The following NCKAP1 variants were observed in gnomAD, a reference collection of about 807,000 sequenced individuals.
The protein encoded by NCKAP1 is NCK associated protein 1.
Under a neutral mutation model 151.2 loss-of-function variants are expected in NCKAP1, and 21 were observed. The observed-to-expected ratio is 0.14, with a 90% confidence interval of 0.10 to 0.20. The LOEUF is 0.20. NCKAP1 is among the 10% of genes least tolerant of loss of function. The pLI is 1.00. For missense variants in NCKAP1, 933 were observed against 1,352.1 expected (o/e 0.69, Z 4.86); for synonymous variants, 484 against 451.8 (o/e 1.07, Z -0.90).
intron 15 of NCKAP1, among the ~76,000 whole-genome samples, chr2:182,971,239 A>C (rs1455752156): frequency 6.6e-6 from 1 of 150,980 alleles, no homozygotes; most frequent in Admixed American, 6.6e-5. Context: ...CTAAAAATAC[A>C]AAAAATTAGC....
At chr2:182,943,094 C>G (rs1211124450) in intron 23 of NCKAP1, among the ~76,000 whole-genome samples, 1 of 152,076 alleles carries the variant, frequency 6.6e-6, no homozygotes, top group Non-Finnish European at 1.5e-5. Context: ...TCAGAATTTT[C>G]TTTACTTTTG....
chr2:182,967,851 A>T (rs72886587), intron 15 of NCKAP1, among the ~76,000 whole-genome samples: 1,572 of 152,284 alleles, frequency 0.01, 14 homozygotes, highest in Non-Finnish European at 0.018. Context: ...AGATAGTAAA[A>T]ATTGGTGTAG....
chr2:182,978,911 A>G lies in NCKAP1; in HGVS notation c.1346T>C (p.Leu449Pro). The change falls in exon 14 of 31, where the codon CTT (leucine) becomes CCT (proline). Residue 449 changes from leucine (L) to proline (P), a missense_variant. Physicochemically the swap from Leu to Pro is moderately conservative, Grantham distance 98. This residue lies in a region of NCKAP1 where 607 missense variants were observed against 795.0 expected (regional missense o/e 0.76). Coordinates refer to ENST00000361354, the MANE Select transcript of NCKAP1 (RefSeq NM_013436.5). ...AVVLNELVQN[L>P]SVCPEDESII... is the part of the protein sequence containing the mutation. ...TGATTCATCTTCAGGGCAAACAGAA[A>G]GATTCTGAAAAACAAACAAAAAGTA... 1 of 1,606,454 alleles carries G rather than the reference A, an allele frequency of 6.2e-7. No homozygotes were observed. Among genetic ancestry groups the G allele is most frequent in the African/African-American group, 1.3e-5 (1 of 74,906 alleles).
At chr2:183,032,884 C>A (rs554107687) in intron 1 of NCKAP1, among the ~76,000 whole-genome samples, 3 of 151,712 alleles carry the variant, frequency 2.0e-5, no homozygotes, top group South Asian at 2.1e-4. Context: ...CCAACTCTAT[C>A]AAAAAAAATA....
rs1237708399 is a variant in NCKAP1, at chr2:183,003,240, T to A, written c.305A>T (p.Glu102Val). 6.6e-7 allele frequency: 1 copy of A among 1,512,806 alleles called. No homozygotes were observed. The highest frequency in any genetic ancestry group is 1.2e-5 in the South Asian group (1 of 82,268). The allele number at this position is 1,512,806 out of a possible 1,614,324, so 93.7% of individuals were successfully genotyped here. Residue 102 changes from glutamate (E) to valine (V), a missense_variant, in exon 3 of 31, where the codon GAA becomes GTA. Glu to Val is a moderately radical substitution (Grantham distance 121). Around this residue, in one of 2 missense-constraint regions of NCKAP1, gnomAD observed 607 missense variants for 795.0 expected, o/e 0.76. Coordinates refer to ENST00000361354, the MANE Select transcript of NCKAP1 (RefSeq NM_013436.5). ...LYYFTFVDVM[E>V]FKDHVCELLN... ...ATATATTAAAATACATACCTTAAATTCCATAACATCTACAAATGTGAAGTA... is the reference window on the plus strand; with the variant it reads ...ATATATTAAAATACATACCTTAAATACCATAACATCTACAAATGTGAAGTA...
Position 182,920,896 on chromosome 2 carries a change from A to G in NCKAP1, c.*4806T>C, listed in dbSNP as rs966934293. 15 of 152,018 alleles carry G rather than the reference A, an allele frequency of 9.9e-5. No individual in the cohort carries two copies. Among genetic ancestry groups the G allele is most frequent in the African/African-American group, 3.6e-4 (15 of 41,492 alleles). 9.4% of individuals were successfully genotyped at this position (152,018 alleles called of 1,614,324 possible). A position where few individuals can be genotyped will look rare whatever the true frequency, so the allele number is the denominator to read the frequency against. ...ATGCAGCAAACACATGCATAAAAAA[A>G]AAATCAGAAATAATGAAAGTAAACA... On this transcript the variant is annotated 3_prime_UTR_variant, in exon 31 of 31. Transcript: ENST00000361354.
At chr2:182,984,451 T>TGTGTGTG (rs1188952902) in intron 10 of NCKAP1, among the ~76,000 whole-genome samples, 17 of 144,182 alleles carry the variant, frequency 1.2e-4, no homozygotes, top group South Asian at 4.5e-4. Context: ...TGTGTGTGTG[T>TGTGTGTG]TGCCTATGCC....
intron 10 of NCKAP1, among the ~76,000 whole-genome samples, chr2:182,983,703 G>T (rs932289866): frequency 3.3e-5 from 5 of 152,078 alleles, no homozygotes; most frequent in African/African-American, 1.2e-4. Context: ...TCCAATTTTA[G>T]TACCATGTAG....
intron 20 of NCKAP1, among the ~76,000 whole-genome samples, chr2:182,954,000 T>C (rs1393916185): frequency 2.0e-5 from 3 of 152,214 alleles, no homozygotes; most frequent in East Asian, 1.9e-4. Context: ...TAGGTGCCAG[T>C]AGTTTTTGAG....
At chr2:183,012,621 C>T (rs1461476253) in intron 2 of NCKAP1, among the ~76,000 whole-genome samples, 5 of 136,366 alleles carry the variant, frequency 3.7e-5, no homozygotes, top group African/African-American at 1.3e-4. Flanking sequence ...CCCCTTACGC[C>T]TTTTTTTTTT....
chr2:182,935,414 G>T, intron 24 of NCKAP1, 39 bp from the exon 25 acceptor site: 1 of 1,244,900 alleles, frequency 8.0e-7, no homozygotes, highest in South Asian at 1.6e-5. Context: ...GAATAAAAAA[G>T]TGTGAACTGG....
rs181165085 is a variant in NCKAP1, at chr2:183,012,682, G to A, written c.220-9357C>T. On this transcript the variant is annotated intron_variant, in intron 2 of 30. Transcript: ENST00000361354. ...TCCCAGAGTGTAGTGGCATGATCTC[G>A]GCTTACTGCAGCCTCCGCCTCCCAG... Among the ~76,000 whole-genome samples, 145 of 148,760 alleles carry A rather than the reference G, an allele frequency of 9.7e-4. 2 individuals are homozygous for A. The highest frequency in any genetic ancestry group is 1.3e-3 in the Non-Finnish European group (85 of 67,394).
In NCKAP1 at chr2:182,967,288, A is replaced by G. The variant is rs536354356; in HGVS notation, c.1556T>C (p.Ile519Thr). The G allele has an allele frequency of 6.2e-7, 1 of 1,611,904 alleles. No homozygotes were observed. The highest frequency in any genetic ancestry group is 2.2e-5 in the East Asian group (1 of 44,764). ...ATCTACCATTTTTGTATGAAAAATTATTGTATTCATCATCTTTCCAAGTTC... is the reference window on the plus strand; with the variant it reads ...ATCTACCATTTTTGTATGAAAAATTGTTGTATTCATCATCTTTCCAAGTTC... Reference protein sequence around the residue: ...HRELGKMMNTIIFHTKMVDSL... With the variant: ...HRELGKMMNTTIFHTKMVDSL... The change falls in exon 16 of 31, where the codon ATA becomes ACA. Residue 519 changes from isoleucine (I) to threonine (T), a missense_variant. Around this residue, in one of 2 missense-constraint regions of NCKAP1, gnomAD observed 607 missense variants for 795.0 expected, o/e 0.76. Coordinates refer to ENST00000361354, the MANE Select transcript of NCKAP1 (RefSeq NM_013436.5).
intron 17 of NCKAP1, among the ~76,000 whole-genome samples, chr2:182,962,571 A>G (rs975306279): frequency 6.6e-6 from 1 of 152,154 alleles, no homozygotes; most frequent in Non-Finnish European, 1.5e-5. Context: ...CAAATTCCAC[A>G]AAGTCCTATA....
At chr2:182,993,049 C>A (rs1698199625) in intron 8 of NCKAP1, among the ~76,000 whole-genome samples, 1 of 152,124 alleles carries the variant, frequency 6.6e-6, no homozygotes, top group African/African-American at 2.4e-5. Flanking sequence ...TCAACAAATA[C>A]AGTCATCTCT....
intron 1 of NCKAP1, chr2:183,025,080 T>C: frequency 4.1e-6 from 5 of 1,234,038 alleles, no homozygotes; most frequent in Non-Finnish European, 5.9e-6. Flanking sequence ...GAAGAAAACT[T>C]ATGCACTGCA....
intron 2 of NCKAP1, among the ~76,000 whole-genome samples, chr2:183,012,471 G>A (rs550919240): frequency 1.1e-3 from 163 of 152,270 alleles, no homozygotes; most frequent in African/African-American, 3.8e-3. Flanking sequence ...TTGTTCTTGG[G>A]AGATTTGGAG....
chr2:182,955,728 G>A (rs4233770), intron 20 of NCKAP1, among the ~76,000 whole-genome samples: 9,309 of 152,048 alleles, frequency 0.061, 469 homozygotes, highest in African/African-American at 0.14. Context: ...AACATTTCAC[G>A]AAGCAATATA....
At position 182,924,760 on chromosome 2, in the gene NCKAP1, G is replaced by A. The variant is rs55886059; in HGVS notation, c.*942C>T. On this transcript the variant is annotated 3_prime_UTR_variant, in exon 31 of 31. Coordinates refer to ENST00000361354, the MANE Select transcript of NCKAP1 (RefSeq NM_013436.5). ...CATTTAAACAAATCATATAATAGCT[G>A]ACCTGGTATCGAATGCTGTACTTAG... 6.6e-6 allele frequency: 1 copy of A among 151,820 alleles called. No homozygotes were observed. Among genetic ancestry groups the A allele is most frequent in the South Asian group, 2.1e-4 (1 of 4,812 alleles). The allele number at this position is 151,820 out of a possible 1,614,324, so 9.4% of individuals were successfully genotyped here.
Sources: gnomAD v4.1 joint callset for allele counts (sites outside exome capture counted in the v4.1 genomes callset) on GRCh38, gnomAD v4.1.1 for gene constraint, gnomAD v4.1.1 regional missense constraint, MANE v1.5 for transcripts, NCBI Gene and HGNC (gene_info 2026-07-23, HGNC 2026-07-21) for gene names.